NAALADL2: variants seen among roughly 807,000 people sequenced by gnomAD.
NAALADL2 encodes the protein inactive N-acetylated-alpha-linked acidic dipeptidase-like protein 2.
NAALADL2 carries 76 observed loss-of-function variants against 87.2 expected under a neutral mutation model. The ratio of observed to expected loss-of-function variants is 0.87; its 90% CI spans 0.72 to 1.05. NAALADL2 has a LOEUF of 1.05. Ranked by LOEUF, NAALADL2 falls within the 50% of genes least tolerant of loss-of-function variation. The pLI is 0.00. For missense variants in NAALADL2, 1,089 were observed against 945.8 expected, an observed-to-expected ratio of 1.15 and a Z score of -1.99; for synonymous variants, 354 against 331.0, an observed-to-expected ratio of 1.07 and a Z score of -0.75.
intron 5 of NAALADL2, among the ~76,000 whole-genome samples, chr3:175,422,593 C>A (rs188203233): frequency 9.9e-5 from 15 of 152,102 alleles, no homozygotes; most frequent in African/African-American, 1.7e-4. Context: ...AAAAAAAAAT[C>A]TTTTATTTGT....
At chr3:175,156,091 A>C (rs935523565) in intron 2 of NAALADL2, among the ~76,000 whole-genome samples, 1 of 152,174 alleles carries the variant, frequency 6.6e-6, no homozygotes, top group Admixed American at 6.6e-5. Flanking sequence ...CAGATCTGTC[A>C]AAATTTAAGG....
At chr3:175,076,842 T>A (rs1716693393) in intron 1 of NAALADL2, among the ~76,000 whole-genome samples, 1 of 152,180 alleles carries the variant, frequency 6.6e-6, no homozygotes, top group African/African-American at 2.4e-5. Flanking sequence ...AAGGTACTGT[T>A]TATGTGCAAA....
chr3:174,971,791 G>A (rs1275673919), intron 1 of NAALADL2, among the ~76,000 whole-genome samples: 1 of 151,936 alleles, frequency 6.6e-6, no homozygotes, highest in South Asian at 2.1e-4. Flanking sequence ...TCTGCCTCCT[G>A]GTTTCAAGCA....
chr3:175,752,758 A>G (rs1220292648), intron 12 of NAALADL2, among the ~76,000 whole-genome samples: 3 of 152,136 alleles, frequency 2.0e-5, no homozygotes, highest in African/African-American at 7.2e-5. Flanking sequence ...GAATGATACA[A>G]TTTGTCTCAC....
chr3:174,557,810 C>T (rs114976915), intron 2 of NAALADL2, among the ~76,000 whole-genome samples: 145 of 152,182 alleles, frequency 9.5e-4, no homozygotes, highest in African/African-American at 3.3e-3. Flanking sequence ...TAGTCATCCT[C>T]ATGTTATGAG....
At chr3:175,554,777 T>TA (rs1010913488) in intron 9 of NAALADL2, among the ~76,000 whole-genome samples, 1 of 152,132 alleles carries the variant, frequency 6.6e-6, no homozygotes, top group South Asian at 2.1e-4. Context: ...TAACTTAAGA[T>TA]AAAAAATACT....
At chr3:175,269,534 C>T (rs958608675) in intron 4 of NAALADL2, among the ~76,000 whole-genome samples, 1 of 152,186 alleles carries the variant, frequency 6.6e-6, no homozygotes, top group African/African-American at 2.4e-5. Flanking sequence ...CGGGATCATT[C>T]CTTGACCAAA....
intron 3 of NAALADL2, among the ~76,000 whole-genome samples, chr3:174,829,960 G>A (rs1410216528): frequency 2.2e-5 from 3 of 135,534 alleles, no homozygotes; most frequent in Admixed American, 7.3e-5. Flanking sequence ...TTTTGATGGG[G>A]TTGTTTGTTT....
chr3:175,741,919 T>C (rs932731352), intron 12 of NAALADL2, among the ~76,000 whole-genome samples: 1 of 152,180 alleles, frequency 6.6e-6, no homozygotes, highest in Admixed American at 6.5e-5. Context: ...AATTAATATA[T>C]GTAATATATG....
intron 1 of NAALADL2, among the ~76,000 whole-genome samples, chr3:174,975,345 G>T (rs1356901706): frequency 1.3e-5 from 2 of 152,110 alleles, no homozygotes; most frequent in Non-Finnish European, 2.9e-5. Flanking sequence ...AGTCCTAAAA[G>T]ACATCCATAA....
chr3:175,418,588 G>A (rs945289980), intron 5 of NAALADL2, among the ~76,000 whole-genome samples: 22 of 152,170 alleles, frequency 1.4e-4, no homozygotes, highest in African/African-American at 5.1e-4. Flanking sequence ...TGTAGCCTAG[G>A]TGGTTCACTT....
chr3:175,491,887 A>C (rs1421230258), intron 9 of NAALADL2, among the ~76,000 whole-genome samples: 2 of 152,204 alleles, frequency 1.3e-5, no homozygotes, highest in African/African-American at 2.4e-5. Context: ...ATCACCTTTT[A>C]CTAAAATTAT....
In NAALADL2 at chr3:174,675,853, C is replaced by T. The variant is rs1007461459; in HGVS notation, c.-114-61788C>T. 2.0e-5 allele frequency among the ~76,000 whole-genome samples: 3 copies of T among 152,126 alleles called. No homozygotes were observed. The Middle Eastern group carries it at 0.01, about 517-fold the overall frequency. On this transcript the variant is annotated intron_variant, in intron 2 of 3. Coordinates refer to the NAALADL2 transcript ENST00000434257. The stretch of plus-strand genomic sequence containing the variant: ...CTTTTACTGAGAACAATATATTTAG[C>T]ACAGTAAATTCCAATGTCCACAGAC...
chr3:175,703,617 C>T (rs1245284223), intron 11 of NAALADL2, among the ~76,000 whole-genome samples: 1 of 152,008 alleles, frequency 6.6e-6, no homozygotes, highest in African/African-American at 2.4e-5. Context: ...GTGGCAGGCA[C>T]CTGTAATCCC....
chr3:175,684,276 T>C (rs1735982978), intron 11 of NAALADL2, among the ~76,000 whole-genome samples: 1 of 152,102 alleles, frequency 6.6e-6, no homozygotes, highest in South Asian at 2.1e-4. Context: ...AATGGAGCAA[T>C]GTCAGTATCA....
intron 11 of NAALADL2, among the ~76,000 whole-genome samples, chr3:175,641,384 C>A (rs1729269518): frequency 6.6e-6 from 1 of 152,148 alleles, no homozygotes; most frequent in Non-Finnish European, 1.5e-5. Context: ...TTCCGTCCTT[C>A]AGTATGTTTA....
intron 2 of NAALADL2, among the ~76,000 whole-genome samples, chr3:174,694,864 C>T (rs997638238): frequency 1.3e-5 from 2 of 151,910 alleles, no homozygotes; most frequent in African/African-American, 2.4e-5. Flanking sequence ...TTAAGTACTG[C>T]CCATTAATAT....
At chr3:174,999,260 T>G (rs1208773176) in intron 1 of NAALADL2, among the ~76,000 whole-genome samples, 1 of 152,154 alleles carries the variant, frequency 6.6e-6, no homozygotes, top group Non-Finnish European at 1.5e-5. Context: ...TTTCCAAAAT[T>G]AAGTTTACTT....
chr3:175,051,830 A>G (rs1755432147), intron 1 of NAALADL2, among the ~76,000 whole-genome samples: 1 of 152,194 alleles, frequency 6.6e-6, no homozygotes, highest in Non-Finnish European at 1.5e-5. Flanking sequence ...TCCCACGTCC[A>G]TTTGGCTACA....
Sources: gnomAD v4.1 joint callset for allele counts (sites outside exome capture counted in the v4.1 genomes callset) on GRCh38, gnomAD v4.1.1 for gene constraint, MANE v1.5 for transcripts, NCBI Gene and HGNC (gene_info 2026-07-23, HGNC 2026-07-21) for gene names.